The following FAM241B variants were observed in gnomAD, a reference collection of about 807,000 sequenced individuals.
FAM241B encodes family with sequence similarity 241 member B, also known as protein FAM241B.
A neutral mutation model predicts 9.3 loss-of-function variants in FAM241B; 7 were observed. The observed-to-expected ratio is 0.75, with a 90% CI of 0.43 to 1.41. The LOEUF (loss-of-function observed/expected upper bound fraction) is 1.41, where lower values mean the gene tolerates loss of function less well. FAM241B is among the 40% of genes most tolerant of loss of function. The probability of loss-of-function intolerance (pLI) is 0.01; values close to 1 mark genes in which losing one functional copy is unlikely to be tolerated. For missense variants in FAM241B, 136 were observed against 159.6 expected (o/e 0.85, Z 0.80); for synonymous variants, 60 against 64.1 (o/e 0.94, Z 0.31).
chr10:69,633,228 A>C lies in FAM241B; in HGVS notation c.*169A>C. On this transcript the variant is annotated 3_prime_UTR_variant, in exon 4 of 4. Transcript: ENST00000373279. ...TAAGCGTGAGGCAGAGGGAGACGTTAGTCCAGCATTTCCAAAGTGTGGGTG... is the reference window on the plus strand; with the variant it reads ...TAAGCGTGAGGCAGAGGGAGACGTTCGTCCAGCATTTCCAAAGTGTGGGTG... 2 of 1,006,302 alleles carry C rather than the reference A, an allele frequency of 2.0e-6. No individual in the cohort carries two copies. The highest frequency in any genetic ancestry group is 2.9e-6 in the Non-Finnish European group (2 of 690,366). The allele number at this position is 1,006,302 out of a possible 1,614,324, so 62.3% of individuals were successfully genotyped here.
At chr10:69,632,761 A>G in intron 3 of FAM241B, 29 bp from the exon 4 acceptor site, 2 of 1,604,364 alleles carry the variant, frequency 1.2e-6, no homozygotes, top group Non-Finnish European at 8.5e-7. Context: ...CCAATGATTC[A>G]TTCATCTCTC....
chr10:69,632,756 G>C, intron 3 of FAM241B, 34 bp from the exon 4 acceptor site: 1 of 1,601,244 alleles, frequency 6.2e-7, no homozygotes, highest in South Asian at 1.1e-5. Context: ...TCAACCCAAT[G>C]ATTCATTCAT....
rs542076531 is a variant in FAM241B at position 69,630,461 on chromosome 10, C to G, written c.-104+148C>G. Reference sequence around the variant, plus strand: ...CCGGAATGTCAGGTGCGCCGCGGGCCGGGCGCGCGGGTGGCCCACCGGGCG... The same window carrying G: ...CCGGAATGTCAGGTGCGCCGCGGGCGGGGCGCGCGGGTGGCCCACCGGGCG... On this transcript the variant is annotated intron_variant, in intron 1 of 3. Transcript: ENST00000373279. The G allele has an allele frequency of 3.0e-4, 60 of 201,932 alleles. No homozygotes were observed. In the South Asian group the frequency reaches 6.6e-3, roughly 22 times the overall value. 12.5% of individuals were successfully genotyped at this position (201,932 alleles called of 1,614,324 possible).
At chr10:69,630,739 A>G in intron 1 of FAM241B, 1 of 1,161,694 alleles carries the variant, frequency 8.6e-7, no homozygotes, top group Non-Finnish European at 1.1e-6. Context: ...GGGGCCCCGC[A>G]GTCCAGGGGT....
intron 3 of FAM241B, among the ~76,000 whole-genome samples, chr10:69,632,389 C>T (rs555030790): frequency 3.6e-5 from 5 of 139,622 alleles, no homozygotes; most frequent in East Asian, 2.1e-4. Context: ...ACCTGGGAGG[C>T]GGAGGTTGCA....
chr10:69,633,128 A>G lies in FAM241B; in HGVS notation c.*69A>G. 2 of 1,577,784 alleles carry G rather than the reference A, an allele frequency of 1.3e-6. No individual in the cohort carries two copies. The highest frequency in any genetic ancestry group is 1.7e-6 in the Non-Finnish European group (2 of 1,159,262). On this transcript the variant is annotated 3_prime_UTR_variant, in exon 4 of 4. Coordinates refer to ENST00000373279, the MANE Select transcript of FAM241B (RefSeq NM_145306.3). Reference sequence around the variant, plus strand: ...TGGGCCTTGGTGTGAGAGCAGGCATATTTGGAGGGGATCTGGTGGTGCCTT... The same window carrying G: ...TGGGCCTTGGTGTGAGAGCAGGCATGTTTGGAGGGGATCTGGTGGTGCCTT...
chr10:69,631,495 A>G lies in FAM241B; in HGVS notation c.-88A>G. 2 of 1,530,766 alleles carry G rather than the reference A, an allele frequency of 1.3e-6. No individual in the cohort carries two copies. The highest frequency in any genetic ancestry group is 8.8e-7 in the Non-Finnish European group (1 of 1,134,132). The allele number at this position is 1,530,766 out of a possible 1,614,324, so 94.8% of individuals were successfully genotyped here. A position where few individuals can be genotyped will look rare whatever the true frequency, so the allele number is the denominator to read the frequency against. Reference sequence around the variant, plus strand: ...TGTTAATCAGACACAGCATCTACTCAGCGTGGGTCACCTCTGTGAACATCA... The same window carrying G: ...TGTTAATCAGACACAGCATCTACTCGGCGTGGGTCACCTCTGTGAACATCA... On this transcript the variant is annotated 5_prime_UTR_variant, in exon 2 of 4. Transcript: ENST00000373279.
chr10:69,630,798 T>A, intron 1 of FAM241B: 1 of 672,980 alleles, frequency 1.5e-6, no homozygotes. Flanking sequence ...CCCTCCCATA[T>A]TTTGGGAAGG....
intron 3 of FAM241B, among the ~76,000 whole-genome samples, chr10:69,632,189 G>A (rs542108021): frequency 2.0e-5 from 3 of 152,082 alleles, no homozygotes; most frequent in East Asian, 1.9e-4. Flanking sequence ...GGCTGGGCGC[G>A]GTGGCTCACA....
In FAM241B at chr10:69,633,078, G is replaced by C. The variant is rs777064129; in HGVS notation, c.*19G>C. On this transcript the variant is annotated 3_prime_UTR_variant, in exon 4 of 4. Coordinates refer to ENST00000373279, the MANE Select transcript of FAM241B (RefSeq NM_145306.3). ...GCGGTGACCTCTGAGGGCTGATAGG[G>C]GTGGGTTTGTTGAGAGGGACTTGCT... 1 of 1,613,250 alleles carries C rather than the reference G, an allele frequency of 6.2e-7. No individual in the cohort carries two copies. The highest frequency in any genetic ancestry group is 8.5e-7 in the Non-Finnish European group (1 of 1,179,524).
At chr10:69,631,226 A>G (rs952604086) in intron 1 of FAM241B, among the ~76,000 whole-genome samples, 3 of 152,144 alleles carry the variant, frequency 2.0e-5, no homozygotes, top group Admixed American at 6.5e-5. Flanking sequence ...CGCCTGTGCA[A>G]TGGCCGCGCT....
Position 69,632,767 on chromosome 10 carries a change from C to T in FAM241B, c.97-23C>T, listed in dbSNP as rs531876328. The T allele has an allele frequency of 2.5e-6, 4 of 1,605,346 alleles. No individual in the cohort carries two copies. The African/African-American group carries it at 5.3e-5, about 21-fold the overall frequency. ...TGCGTCAACCCAATGATTCATTCAT[C>T]TCTCTCTGTCTTCACATTCCAGAGC... On this transcript the variant is annotated intron_variant, in intron 3 of 3. Transcript: ENST00000373279.
chr10:69,633,233 A>G lies in FAM241B; in HGVS notation c.*174A>G, dbSNP rs1839862858. 1.0e-6 allele frequency: 1 copy of G among 979,030 alleles called. No individual in the cohort carries two copies. Among genetic ancestry groups the G allele is most frequent in the East Asian group, 2.5e-5 (1 of 40,240 alleles). 60.6% of individuals were successfully genotyped at this position (979,030 alleles called of 1,614,324 possible). A position where few individuals can be genotyped will look rare whatever the true frequency, so the allele number is the denominator to read the frequency against. On this transcript the variant is annotated 3_prime_UTR_variant, in exon 4 of 4. Coordinates refer to ENST00000373279, the MANE Select transcript of FAM241B (RefSeq NM_145306.3). ...GTGAGGCAGAGGGAGACGTTAGTCC[A>G]GCATTTCCAAAGTGTGGGTGGGTCC...
rs1414973542 is a variant in FAM241B at position 69,633,161 on chromosome 10, T to G, written c.*102T>G. 19 of 1,494,380 alleles carry G rather than the reference T, an allele frequency of 1.3e-5. No individual in the cohort carries two copies. Among genetic ancestry groups the G allele is most frequent in the Middle Eastern group, 3.7e-4 (2 of 5,388 alleles). 92.6% of individuals were successfully genotyped at this position (1,494,380 alleles called of 1,614,324 possible). A position where few individuals can be genotyped will look rare whatever the true frequency, so the allele number is the denominator to read the frequency against. On this transcript the variant is annotated 3_prime_UTR_variant, in exon 4 of 4. Transcript: ENST00000373279. The stretch of plus-strand genomic sequence containing the variant: ...GGGATCTGGTGGTGCCTTGAAGGTA[T>G]GATCAGAGAGGGGACCACAGGTGTG...
chr10:69,633,231 C>T lies in FAM241B; in HGVS notation c.*172C>T. 2.0e-6 allele frequency: 2 copies of T among 977,128 alleles called. No homozygotes were observed. The highest frequency in any genetic ancestry group is 3.0e-6 in the Non-Finnish European group (2 of 666,196). 60.5% of individuals were successfully genotyped at this position (977,128 alleles called of 1,614,324 possible). ...GCGTGAGGCAGAGGGAGACGTTAGT[C>T]CAGCATTTCCAAAGTGTGGGTGGGT... On this transcript the variant is annotated 3_prime_UTR_variant, in exon 4 of 4. Transcript: ENST00000373279.
At position 69,632,930 on chromosome 10, in the gene FAM241B, G is replaced by T; in HGVS notation, c.237G>T (p.Trp79Cys). The T allele has an allele frequency of 6.2e-7, 1 of 1,614,204 alleles. No individual in the cohort carries two copies. The highest frequency in any genetic ancestry group is 8.5e-7 in the Non-Finnish European group (1 of 1,180,038). Residue 79 changes from tryptophan (W) to cysteine (C), a missense_variant, in exon 4 of 4, where the codon TGG becomes TGT. Trp to Cys is a radical substitution (Grantham distance 215). Coordinates refer to ENST00000373279, the MANE Select transcript of FAM241B (RefSeq NM_145306.3). Reference sequence around the variant, plus strand: ...TGGTGAACATGGGCTTTCCGCAGTGGCATCTTGGCAACCATGCTGTGGAGC... The same window carrying T: ...TGGTGAACATGGGCTTTCCGCAGTGTCATCTTGGCAACCATGCTGTGGAGC... ...RQLVNMGFPQ[W>C]HLGNHAVEPV...
intron 3 of FAM241B, 51 bp from the exon 4 acceptor site, chr10:69,632,739 T>A (rs2616089): frequency 0.68 from 1,069,921 of 1,579,224 alleles, 365,095 homozygotes; most frequent in East Asian, 0.88. Flanking sequence ...GATTCCTGGC[T>A]GGTGCGTCAA....
At position 69,631,526 on chromosome 10, in the gene FAM241B, T is replaced by G. The variant is rs1589690812; in HGVS notation, c.-57T>G. 1.0e-5 allele frequency: 16 copies of G among 1,541,484 alleles called. No individual in the cohort carries two copies. Among genetic ancestry groups the G allele is most frequent in the Non-Finnish European group, 1.4e-5 (16 of 1,141,432 alleles). On this transcript the variant is annotated 5_prime_UTR_variant, in exon 2 of 4. Coordinates refer to ENST00000373279, the MANE Select transcript of FAM241B (RefSeq NM_145306.3). ...GGTCACCTCTGTGAACATCACTGAC[T>G]GCAAGCCTCCCTCAATTTCTGGTAA... is the stretch of plus-strand genomic sequence containing the variant.
chr10:69,633,554 T>C lies in FAM241B; in HGVS notation c.*495T>C, dbSNP rs1839868538. 6.2e-6 allele frequency: 1 copy of C among 160,434 alleles called. No individual in the cohort carries two copies. Among genetic ancestry groups the C allele is most frequent in the African/African-American group, 2.4e-5 (1 of 41,650 alleles). 9.9% of individuals were successfully genotyped at this position (160,434 alleles called of 1,614,324 possible). A position where few individuals can be genotyped will look rare whatever the true frequency, so the allele number is the denominator to read the frequency against. On this transcript the variant is annotated 3_prime_UTR_variant, in exon 4 of 4. Coordinates refer to ENST00000373279, the MANE Select transcript of FAM241B (RefSeq NM_145306.3). Reference sequence around the variant, plus strand: ...TGTTTAGGACAAGTGGTAGTGGCATTCTATTTATTGTGACCTTTTCAATAA... The same window carrying C: ...TGTTTAGGACAAGTGGTAGTGGCATCCTATTTATTGTGACCTTTTCAATAA...
Sources: gnomAD v4.1 joint callset for allele counts (sites outside exome capture counted in the v4.1 genomes callset) on GRCh38, gnomAD v4.1.1 for gene constraint, MANE v1.5 for transcripts, NCBI Gene and HGNC (gene_info 2026-07-23, HGNC 2026-07-21) for gene names.